VPS37A: variants seen among roughly 807,000 people sequenced by gnomAD.
The protein encoded by VPS37A is VPS37A subunit of ESCRT-I.
A neutral mutation model predicts 49.8 loss-of-function variants in VPS37A; 30 were observed. That is an observed-to-expected ratio of 0.60 (90% CI 0.45 to 0.82). VPS37A has a LOEUF of 0.82. Among genes scored for constraint, VPS37A ranks in the 40% least tolerant of loss-of-function variants. VPS37A has a pLI of 0.00. For missense variants in VPS37A, 593 were observed against 464.4 expected (o/e 1.28, Z -2.55); for synonymous variants, 195 against 160.6 (o/e 1.21, Z -1.62).
In VPS37A at chr8:17,295,817, C is replaced by G. The variant is rs1457336711; in HGVS notation, c.*831C>G. 2.0e-5 allele frequency: 3 copies of G among 152,160 alleles called. No individual in the cohort carries two copies. The highest frequency in any genetic ancestry group is 1.9e-4 in the East Asian group (1 of 5,198). The allele number at this position is 152,160 out of a possible 1,614,324, so 9.4% of individuals were successfully genotyped here. ...ACACAAAAAAAGTCAGTGAACTTTT[C>G]TGACCTTTACTGTGAGTTACCTTTT... is the stretch of plus-strand genomic sequence containing the variant. On this transcript the variant is annotated 3_prime_UTR_variant, in exon 12 of 12. Transcript: ENST00000324849.
At chr8:17,307,963 ACC>A in the VPS37A span, among the ~76,000 whole-genome samples, 1 of 152,116 alleles carries the variant, frequency 6.6e-6, no homozygotes, top group African/African-American at 2.4e-5. Flanking sequence ...GGTGCAGCAC[ACC>A]AACATGGCAC....
chr8:17,329,830 G>A, the VPS37A span, among the ~76,000 whole-genome samples: 1 of 152,090 alleles, frequency 6.6e-6, no homozygotes, highest in Non-Finnish European at 1.5e-5. Context: ...TCATGCCCAG[G>A]GTATGATCAC....
the VPS37A span, chr8:17,326,525 T>G: frequency 6.6e-6 from 1 of 152,206 alleles, no homozygotes; most frequent in East Asian, 1.9e-4. Context: ...TGTAATATGA[T>G]AAAAAGTGCT....
At chr8:17,302,344 G>C (rs1168193622), downstream of VPS37A, 2 of 1,527,798 alleles carry the variant, frequency 1.3e-6, no homozygotes, top group South Asian at 1.3e-5. Context: ...ACATCCTCAA[G>C]TCTTCTAAGG....
chr8:17,264,266 T>G (rs73200937), intron 1 of VPS37A, among the ~76,000 whole-genome samples: 12,566 of 152,206 alleles, frequency 0.083, 683 homozygotes, highest in South Asian at 0.2. Flanking sequence ...GACTTTGAAT[T>G]GGTGGATGCT....
At chr8:17,325,389 G>C in the VPS37A span, among the ~76,000 whole-genome samples, 1 of 152,206 alleles carries the variant, frequency 6.6e-6, no homozygotes, top group Non-Finnish European at 1.5e-5. Flanking sequence ...TGGAAGAACA[G>C]ATCGGGTATC....
downstream of VPS37A, among the ~76,000 whole-genome samples, chr8:17,303,074 T>C (rs138252662): frequency 8.5e-4 from 129 of 152,216 alleles, 1 homozygote; most frequent in African/African-American, 2.7e-3. Context: ...AATGGTGTTA[T>C]CACAGAGTTA....
chr8:17,266,531 C>G (rs949096058), intron 2 of VPS37A, among the ~76,000 whole-genome samples: 1 of 152,142 alleles, frequency 6.6e-6, no homozygotes, highest in Non-Finnish European at 1.5e-5. Flanking sequence ...TTAAATGCAG[C>G]TATGAGGCTG....
At chr8:17,325,636 G>A in the VPS37A span, among the ~76,000 whole-genome samples, 2 of 152,292 alleles carry the variant, frequency 1.3e-5, no homozygotes, top group African/African-American at 4.8e-5. Context: ...CTGCTCCACT[G>A]TCAGGCTAAG....
chr8:17,258,647 T>C (rs73551468), intron 1 of VPS37A, among the ~76,000 whole-genome samples: 3,086 of 151,936 alleles, frequency 0.02, 111 homozygotes, highest in African/African-American at 0.07. Context: ...AGAATGAGTT[T>C]GGAAGTAGTC....
At chr8:17,289,954 T>C (rs1475744148) in intron 11 of VPS37A, among the ~76,000 whole-genome samples, 2 of 152,164 alleles carry the variant, frequency 1.3e-5, no homozygotes, top group Non-Finnish European at 2.9e-5. Flanking sequence ...TATTTTATTC[T>C]CTTTGAAGCA....
downstream of VPS37A, among the ~76,000 whole-genome samples, chr8:17,302,880 A>G (rs140482282): frequency 5.0e-3 from 753 of 151,336 alleles, 5 homozygotes; most frequent in African/African-American, 0.017. Flanking sequence ...GCCTAATTTT[A>G]TATTTTTTTT....
rs1170661990 is a variant in VPS37A, at chr8:17,296,231, G to C, written c.*1245G>C. On this transcript the variant is annotated 3_prime_UTR_variant, in exon 12 of 12. Coordinates refer to ENST00000324849, the MANE Select transcript of VPS37A (RefSeq NM_152415.3). ...AATTATTTTGTTAGAATTAAAACATGCTTAATATTTAGTCTGTTTGTGGAG... is the reference window on the plus strand; with the variant it reads ...AATTATTTTGTTAGAATTAAAACATCCTTAATATTTAGTCTGTTTGTGGAG... 6.6e-6 allele frequency: 1 copy of C among 152,130 alleles called. No homozygotes were observed. Among genetic ancestry groups the C allele is most frequent in the Non-Finnish European group, 1.5e-5 (1 of 68,006 alleles). 9.4% of individuals were successfully genotyped at this position (152,130 alleles called of 1,614,324 possible).
intron 1 of VPS37A, among the ~76,000 whole-genome samples, chr8:17,253,984 T>A (rs1459959398): frequency 6.6e-6 from 1 of 152,180 alleles, no homozygotes; most frequent in African/African-American, 2.4e-5. Context: ...GTTGTGTAAG[T>A]ATGTGTGTGT....
downstream of VPS37A, among the ~76,000 whole-genome samples, chr8:17,304,078 G>A (rs1304121713): frequency 6.6e-6 from 1 of 152,112 alleles, no homozygotes; most frequent in Non-Finnish European, 1.5e-5. Flanking sequence ...TTTGACTTAA[G>A]GCATTTGCAT....
chr8:17,248,350 C>G (rs758192820), intron 1 of VPS37A: 7 of 454,902 alleles, frequency 1.5e-5, no homozygotes, highest in East Asian at 7.0e-5. Flanking sequence ...CTGCAACCTC[C>G]GTCTCCCGGA....
chr8:17,268,513 G>A (rs1043138192), intron 3 of VPS37A, 141 bp downstream of exon 3: 10 of 626,158 alleles, frequency 1.6e-5, no homozygotes, highest in African/African-American at 1.1e-4. Flanking sequence ...TTAAGACTAC[G>A]CCTTAAAGTT....
chr8:17,257,114 G>T (rs1350095629), intron 1 of VPS37A, among the ~76,000 whole-genome samples: 1 of 152,172 alleles, frequency 6.6e-6, no homozygotes, highest in African/African-American at 2.4e-5. Flanking sequence ...TATGGTAAGA[G>T]ATAGGGTCTA....
downstream of VPS37A, chr8:17,304,483 C>G (rs772701098): frequency 1.2e-6 from 2 of 1,613,888 alleles, no homozygotes; most frequent in Admixed American, 1.7e-5. Context: ...GATTCTTCCA[C>G]AGGTGAGCCC....
Sources: allele counts gnomAD v4.1 joint callset (sites outside exome capture counted in the v4.1 genomes callset), GRCh38; gene constraint gnomAD v4.1.1; transcripts MANE v1.5; gene names NCBI Gene and HGNC (gene_info 2026-07-23, HGNC 2026-07-21).